The following THADA variants were observed in gnomAD, a reference collection of about 807,000 sequenced individuals.
THADA encodes the protein THADA armadillo repeat containing.
In THADA, 213 loss-of-function variants were observed where a neutral mutation model predicts 219.8. The ratio of observed to expected loss-of-function variants is 0.97; its 90% CI spans 0.87 to 1.09. THADA has a LOEUF of 1.09. THADA is among the 50% of genes least tolerant of loss of function. THADA has a pLI of 0.00. For synonymous variants in THADA, 1,018 were observed against 828.9 expected, an observed-to-expected ratio of 1.23 and a Z score of -3.92; for missense variants, 2,956 against 2,311.3, an observed-to-expected ratio of 1.28 and a Z score of -5.72.
intron 25 of THADA, among the ~76,000 whole-genome samples, chr2:43,496,697 A>G (rs1175771871): frequency 1.3e-5 from 2 of 152,168 alleles, no homozygotes; most frequent in Non-Finnish European, 2.9e-5. Context: ...GTAAAGATCT[A>G]AACAAACTGG....
intron 26 of THADA, among the ~76,000 whole-genome samples, chr2:43,435,940 C>T (rs1176963980): frequency 6.6e-6 from 1 of 151,752 alleles, no homozygotes; most frequent in Non-Finnish European, 1.5e-5. Context: ...CTAGTTAGTA[C>T]ACCTTCCATG....
chr2:43,576,295 G>A (rs886849295), intron 10 of THADA, among the ~76,000 whole-genome samples: 7 of 151,908 alleles, frequency 4.6e-5, no homozygotes, highest in Admixed American at 2.0e-4. Flanking sequence ...TATATGTTTC[G>A]ACATTTCATA....
In THADA at chr2:43,335,038, T is replaced by C. The variant is rs372850770; in HGVS notation, c.4343+9084A>G. On this transcript the variant is annotated intron_variant, in intron 30 of 37. Transcript: ENST00000405975. ...GATGGGACTGTTTCAAATGGGGGAG[T>C]TGGAAGATCACAGAGCCTGGCACTC... 3.3e-5 allele frequency among the ~76,000 whole-genome samples: 5 copies of C among 151,460 alleles called. No individual in the cohort carries two copies. The East Asian group carries it at 5.8e-4, about 18-fold the overall frequency.
At chr2:43,532,160 C>A (rs1255013113) in intron 21 of THADA, among the ~76,000 whole-genome samples, 2 of 151,856 alleles carry the variant, frequency 1.3e-5, no homozygotes. Context: ...GCCTGTAATG[C>A]CAGCACTTTG....
At chr2:43,528,061 G>T in intron 21 of THADA, 73 bp from the exon 22 acceptor site, 3 of 924,984 alleles carry the variant, frequency 3.2e-6, no homozygotes, top group South Asian at 1.4e-5. Flanking sequence ...CAGTAACACT[G>T]TTTAGAACCC....
chr2:43,268,611 C>T (rs1358599764), intron 36 of THADA, among the ~76,000 whole-genome samples: 2 of 152,244 alleles, frequency 1.3e-5, no homozygotes, highest in East Asian at 3.8e-4. Flanking sequence ...AGGATGAGGG[C>T]TTCCCAGGTC....
At chr2:43,573,893 C>G (rs1007407134) in intron 11 of THADA, among the ~76,000 whole-genome samples, 2 of 152,096 alleles carry the variant, frequency 1.3e-5, no homozygotes, top group Non-Finnish European at 2.9e-5. Context: ...TTCTTGAGAT[C>G]ATGCCTCTGA....
intron 13 of THADA, among the ~76,000 whole-genome samples, chr2:43,570,806 G>C (rs1699209659): frequency 6.6e-6 from 1 of 150,928 alleles, no homozygotes; most frequent in South Asian, 2.1e-4. Flanking sequence ...ATAAATGTGT[G>C]TGCAATTAAT....
intron 30 of THADA, among the ~76,000 whole-genome samples, chr2:43,332,262 C>G (rs970255795): frequency 6.6e-6 from 1 of 152,150 alleles, no homozygotes; most frequent in African/African-American, 2.4e-5. Context: ...TTAACCTTAT[C>G]TAATAATTAA....
chr2:43,586,293 T>C (rs1309731264), intron 7 of THADA, 108 bp downstream of exon 7: 2 of 910,630 alleles, frequency 2.2e-6, no homozygotes, highest in East Asian at 5.8e-5. Flanking sequence ...ATAATATTAA[T>C]GAAAAGGGAT....
At chr2:43,248,226 GAGAGAC>G (rs1254257857) in intron 36 of THADA, among the ~76,000 whole-genome samples, 38 of 144,326 alleles carry the variant, frequency 2.6e-4, no homozygotes, top group Non-Finnish European at 5.0e-4. Flanking sequence ...CAGAGAGAGA[GAGAGAC>G]AGAGAGAGAG....
In THADA at chr2:43,286,924, G is replaced by T; in HGVS notation, c.5148C>A (p.Asn1716Lys). The T allele has an allele frequency of 6.2e-7, 1 of 1,612,822 alleles. No individual in the cohort carries two copies. Among genetic ancestry groups the T allele is most frequent in the Non-Finnish European group, 8.5e-7 (1 of 1,178,924 alleles). Residue 1716 changes from asparagine (N) to lysine (K), a missense_variant, in exon 35 of 38, where the codon AAC (asparagine) becomes AAA (lysine). Asn to Lys is a moderately conservative substitution (Grantham distance 94, BLOSUM62 0). Transcript: ENST00000405975. ...LTSTTPLFLT[N>K]PHPILELQDT... Reference sequence around the variant, plus strand: ...CGCACTTACCAAGAATAGGATGGGGGTTGGTGAGGAAAAGTGGTGTAGTAC... The same window carrying T: ...CGCACTTACCAAGAATAGGATGGGGTTTGGTGAGGAAAAGTGGTGTAGTAC...
At chr2:43,351,751 C>G (rs1369020342) in intron 29 of THADA, among the ~76,000 whole-genome samples, 5 of 152,190 alleles carry the variant, frequency 3.3e-5, no homozygotes, top group African/African-American at 1.2e-4. Context: ...AGCTGGGGTG[C>G]TAAAAGTCAC....
At position 43,574,606 on chromosome 2, in the gene THADA, C is replaced by G. The variant is rs756875117; in HGVS notation, c.1459G>C (p.Asp487His). Residue 487 changes from aspartate to histidine, a missense_variant, in exon 11 of 38, where the codon GAC (aspartate) becomes CAC (histidine). Asp to His is a moderately conservative substitution (Grantham distance 81, BLOSUM62 -1). Transcript: ENST00000405975. ...IPSQILEVMG[D>H]QSLVPYASDL... is the part of the protein sequence containing the mutation. ...CTTGCATAAGGTACCAATGACTGGT[C>G]TCCCATCACCTCTAAGATTTGAGAT... 1.9e-5 allele frequency: 31 copies of G among 1,613,868 alleles called. No homozygotes were observed. The highest frequency in any genetic ancestry group is 2.7e-5 in the African/African-American group (2 of 74,924).
chr2:43,515,362 ATATAAT>A lies in THADA; in HGVS notation c.3375-6588_3375-6583del, dbSNP rs1472369062. ...TAATATATAATATTTTATATATAAT[ATATAAT>A]ATATAATATATAATATTTTATATAT... On this transcript the variant is annotated intron_variant, in intron 22 of 37. Transcript: ENST00000405975. Among the ~76,000 whole-genome samples the A allele has an allele frequency of 9.0e-4, 79 of 87,388 alleles. 4 individuals are homozygous for A. Among genetic ancestry groups the A allele is most frequent in the Middle Eastern group, 4.5e-3 (1 of 224 alleles). The allele number at this position is 87,388 out of a possible 152,430, so 57.3% of individuals were successfully genotyped here. A position where few individuals can be genotyped will look rare whatever the true frequency, so the allele number is the denominator to read the frequency against.
At chr2:43,292,338 A>C in intron 32 of THADA, 116 bp from the exon 33 acceptor site, 2 of 649,228 alleles carry the variant, frequency 3.1e-6, no homozygotes, top group South Asian at 2.4e-5. Flanking sequence ...AAAGGCTCCC[A>C]CTGACTTCTT....
intron 29 of THADA, among the ~76,000 whole-genome samples, chr2:43,353,821 A>G (rs1360949711): frequency 8.9e-6 from 1 of 112,758 alleles, no homozygotes; most frequent in South Asian, 2.7e-4. Context: ...AAGCTCAGCT[A>G]ATTTTTTTTT....
chr2:43,407,495 C>A (rs1675710938), intron 28 of THADA, among the ~76,000 whole-genome samples: 1 of 152,170 alleles, frequency 6.6e-6, no homozygotes, highest in African/African-American at 2.4e-5. Context: ...CTGCACAAAT[C>A]ATAGGTGCTG....
chr2:43,496,695 C>T (rs1454914950), intron 25 of THADA, among the ~76,000 whole-genome samples: 1 of 151,740 alleles, frequency 6.6e-6, no homozygotes, highest in African/African-American at 2.4e-5. Context: ...TGGTAAAGAT[C>T]TAAACAAACT....
Sources: allele counts gnomAD v4.1 joint callset (sites outside exome capture counted in the v4.1 genomes callset), GRCh38; gene constraint gnomAD v4.1.1; transcripts MANE v1.5; gene names NCBI Gene and HGNC (gene_info 2026-07-23, HGNC 2026-07-21).